Variants in MELK observed in about 807,000 individuals in gnomAD.
MELK encodes pEg3 kinase.
In MELK, 81 loss-of-function variants were observed where a neutral mutation model predicts 85.0. The observed-to-expected ratio is 0.95, with a 90% CI of 0.80 to 1.15. The LOEUF (loss-of-function observed/expected upper bound fraction) is 1.15. Among genes scored for constraint, MELK ranks in the 50% most tolerant of loss-of-function variants. MELK has a pLI of 0.00. For missense variants in MELK, 754 were observed against 777.5 expected, an observed-to-expected ratio of 0.97 and a Z score of 0.36; for synonymous variants, 252 against 265.0, an observed-to-expected ratio of 0.95 and a Z score of 0.48.
intron 12 of MELK, among the ~76,000 whole-genome samples, chr9:36,652,524 G>T (rs1830811950): frequency 6.6e-6 from 1 of 150,654 alleles, no homozygotes. Context: ...AAGGTCAGGA[G>T]TTTGACACCA....
intron 14 of MELK, among the ~76,000 whole-genome samples, chr9:36,667,011 C>T (rs1019943023): frequency 2.0e-5 from 3 of 151,784 alleles, no homozygotes; most frequent in African/African-American, 7.3e-5. Context: ...GCATTCTTTC[C>T]CAATGAAAGG....
At chr9:36,583,786 T>A in intron 3 of MELK, 74 bp downstream of exon 3, 1 of 1,026,666 alleles carries the variant, frequency 9.7e-7, no homozygotes, top group Non-Finnish European at 1.5e-6. Flanking sequence ...ATTGTTCTAA[T>A]GTTCTAGTTA....
chr9:36,677,127 C>T (rs1488949785), intron 17 of MELK, 33 bp from the exon 18 acceptor site: 1 of 1,590,764 alleles, frequency 6.3e-7, no homozygotes, highest in South Asian at 1.1e-5. Context: ...TATGGTTCTC[C>T]TACTAACTAG....
intron 4 of MELK, among the ~76,000 whole-genome samples, chr9:36,592,172 CTTTTTTT>C (rs35073009): frequency 3.4e-5 from 4 of 117,326 alleles, no homozygotes; most frequent in Non-Finnish European, 5.2e-5. Flanking sequence ...CATTTCTTTT[CTTTTTTT>C]TTTTTTTTTT....
At chr9:36,584,760 C>T (rs1252676651) in intron 3 of MELK, among the ~76,000 whole-genome samples, 1 of 149,912 alleles carries the variant, frequency 6.7e-6, no homozygotes, top group African/African-American at 2.5e-5. Context: ...CTTTGTTGCC[C>T]AGGCTGGAGT....
intron 13 of MELK, among the ~76,000 whole-genome samples, chr9:36,663,095 T>G (rs551657966): frequency 1.6e-4 from 24 of 152,192 alleles, no homozygotes; most frequent in African/African-American, 5.8e-4. Flanking sequence ...TTTTTTTCTT[T>G]TTGAGACAGA....
intron 7 of MELK, among the ~76,000 whole-genome samples, chr9:36,604,832 G>A (rs540095404): frequency 2.6e-5 from 4 of 152,120 alleles, no homozygotes; most frequent in Admixed American, 6.6e-5. Flanking sequence ...TAGTAGAGAC[G>A]GGGTTTCTCC....
At chr9:36,587,837 C>T (rs1400389812) in intron 3 of MELK, among the ~76,000 whole-genome samples, 2 of 151,204 alleles carry the variant, frequency 1.3e-5, no homozygotes, top group Admixed American at 1.3e-4. Context: ...TGCAGTGGCA[C>T]GATCTCGGCC....
Position 36,673,595 on chromosome 9 carries a change from A to AT in MELK, c.1675-1231dup, listed in dbSNP as rs769610384. ...TGCTACCACACTTGGCTAATTCTTAATTTTTTTTGCAGAGACAGGGTCTCA... is the reference window on the plus strand; with the variant it reads ...TGCTACCACACTTGGCTAATTCTTAATTTTTTTTTGCAGAGACAGGGTCTCA... On this transcript the variant is annotated intron_variant, in intron 16 of 17. Coordinates refer to ENST00000298048, the MANE Select transcript of MELK (RefSeq NM_014791.4). Among the ~76,000 whole-genome samples, 112 of 151,538 alleles carry AT rather than the reference A, an allele frequency of 7.4e-4. 1 individual carries two copies. Among genetic ancestry groups the AT allele is most frequent in the Non-Finnish European group, 8.7e-4 (59 of 67,894 alleles).
At chr9:36,583,369 T>G (rs1462465048) in intron 2 of MELK, among the ~76,000 whole-genome samples, 1 of 151,970 alleles carries the variant, frequency 6.6e-6, no homozygotes, top group African/African-American at 2.4e-5. Context: ...AAAGGAAATT[T>G]AATTGCAGGA....
chr9:36,621,467 C>T (rs748847426), intron 8 of MELK, among the ~76,000 whole-genome samples: 1 of 151,876 alleles, frequency 6.6e-6, no homozygotes, highest in Non-Finnish European at 1.5e-5. Flanking sequence ...AGCTAATTTT[C>T]GTTATTATAC....
At chr9:36,644,556 T>G (rs1311238128) in intron 11 of MELK, among the ~76,000 whole-genome samples, 1 of 152,166 alleles carries the variant, frequency 6.6e-6, no homozygotes, top group Non-Finnish European at 1.5e-5. Context: ...GGATAATGCC[T>G]TTAGGGAAAT....
chr9:36,602,399 A>G (rs1384253011), intron 7 of MELK, among the ~76,000 whole-genome samples: 1 of 147,076 alleles, frequency 6.8e-6, no homozygotes, highest in Non-Finnish European at 1.5e-5. Flanking sequence ...TTGAGGCAGG[A>G]GAATCGCTTG....
chr9:36,636,782 T>TTCTTTTTCTG, intron 10 of MELK, among the ~76,000 whole-genome samples: 1 of 107,622 alleles, frequency 9.3e-6, no homozygotes, highest in Non-Finnish European at 1.9e-5. Flanking sequence ...CTTTCTTTCT[T>TTCTTTTTCTG]TCTGTCTGTC....
intron 1 of MELK, among the ~76,000 whole-genome samples, 190 bp from the exon 2 acceptor site, chr9:36,581,454 C>CT (rs913012999): frequency 4.0e-5 from 6 of 151,852 alleles, no homozygotes; most frequent in Non-Finnish European, 8.8e-5. Context: ...ATGTTTCATA[C>CT]TTTTTAAGTC....
intron 11 of MELK, among the ~76,000 whole-genome samples, chr9:36,650,752 T>G (rs1830630793): frequency 6.6e-6 from 1 of 152,198 alleles, no homozygotes; most frequent in Non-Finnish European, 1.5e-5. Context: ...GGGGCTACAT[T>G]GTAAGATAGA....
At chr9:36,573,211 A>G (rs2134607225) in intron 1 of MELK, 1 of 152,378 alleles carries the variant, frequency 6.6e-6, no homozygotes, top group South Asian at 2.1e-4. Context: ...AAGTGGGGAT[A>G]ATGACCGTGT....
chr9:36,644,938 A>G (rs996024834), intron 11 of MELK, among the ~76,000 whole-genome samples: 1 of 151,950 alleles, frequency 6.6e-6, no homozygotes, highest in Non-Finnish European at 1.5e-5. Flanking sequence ...ACAAATTGGT[A>G]TGAGATCTAC....
Position 36,669,290 on chromosome 9 carries a change from G to A in MELK, c.1409-20G>A. The stretch of plus-strand genomic sequence containing the variant: ...ATAGTATGTGCTGCATATGGATTGT[G>A]TTTGTTCTGTTTCTAATAGCTAGAA... On this transcript the variant is annotated intron_variant, in intron 14 of 17. Coordinates refer to ENST00000298048, the MANE Select transcript of MELK (RefSeq NM_014791.4). The A allele has an allele frequency of 1.3e-6, 2 of 1,532,270 alleles. No homozygotes were observed. The highest frequency in any genetic ancestry group is 9.0e-7 in the Non-Finnish European group (1 of 1,116,414). The allele number at this position is 1,532,270 out of a possible 1,614,324, so 94.9% of individuals were successfully genotyped here.
Sources: gnomAD v4.1 joint callset for allele counts (sites outside exome capture counted in the v4.1 genomes callset) on GRCh38, gnomAD v4.1.1 for gene constraint, MANE v1.5 for transcripts, NCBI Gene and HGNC (gene_info 2026-07-23, HGNC 2026-07-21) for gene names.